The following LRRC49 variants were observed in gnomAD, a reference collection of about 807,000 sequenced individuals.
LRRC49 encodes leucine rich repeat containing 49, also known as leucine-rich repeat-containing protein 49.
In LRRC49, 50 loss-of-function variants were observed where a neutral mutation model predicts 83.3. The observed-to-expected ratio is 0.60, with a 90% confidence interval of 0.48 to 0.76. LRRC49 has a LOEUF of 0.76. Among genes scored for constraint, LRRC49 ranks in the 30% least tolerant of loss-of-function variants. LRRC49 has a pLI of 0.00. For missense variants in LRRC49, 704 were observed against 809.1 expected, an observed-to-expected ratio of 0.87 and a Z score of 1.58; for synonymous variants, 286 against 283.3, an observed-to-expected ratio of 1.01 and a Z score of -0.10.
At chr15:70,891,251 A>C (rs1207073454), upstream of LRRC49, among the ~76,000 whole-genome samples, 1 of 152,196 alleles carries the variant, frequency 6.6e-6, no homozygotes, top group African/African-American at 2.4e-5. Context: ...AAGTAGGCAG[A>C]AGAGAGCAAG....
At chr15:70,987,725 G>A (rs1298994012) in intron 11 of LRRC49, among the ~76,000 whole-genome samples, 1 of 152,082 alleles carries the variant, frequency 6.6e-6, no homozygotes, top group African/African-American at 2.4e-5. Flanking sequence ...TAATTGTGAT[G>A]TTAGGGTGTC....
At chr15:71,024,604 T>C (rs1463350934) in intron 14 of LRRC49, among the ~76,000 whole-genome samples, 1 of 150,654 alleles carries the variant, frequency 6.6e-6, no homozygotes, top group Non-Finnish European at 1.5e-5. Context: ...CATCCAAAGG[T>C]CAGCAGCCTC....
intron 8 of LRRC49, among the ~76,000 whole-genome samples, chr15:70,960,730 T>C (rs990060079): frequency 6.6e-6 from 1 of 152,054 alleles, no homozygotes; most frequent in Non-Finnish European, 1.5e-5. Flanking sequence ...TGGATGTCCA[T>C]ATGAAAAAAA....
In LRRC49 at chr15:70,978,381, C is replaced by A. The variant is rs1034753468; in HGVS notation, c.922-1720C>A. 2.6e-5 allele frequency among the ~76,000 whole-genome samples: 4 copies of A among 152,244 alleles called. No homozygotes were observed. In the East Asian group the frequency reaches 7.7e-4, roughly 29 times the overall value. On this transcript the variant is annotated intron_variant, in intron 9 of 15. Transcript: ENST00000260382. ...TGAGAGAGAGAATAGTTGTATCATA[C>A]ATTGTCTTTGAAAGTTTTCAACCAG...
intron 7 of LRRC49, among the ~76,000 whole-genome samples, chr15:70,922,590 T>A (rs1395984773): frequency 1.3e-5 from 2 of 151,986 alleles, no homozygotes; most frequent in African/African-American, 4.8e-5. Flanking sequence ...ATAGAAAGAA[T>A]GAATGAAACC....
intron 6 of LRRC49, among the ~76,000 whole-genome samples, chr15:70,916,306 T>TATA (rs1476755774): frequency 6.6e-6 from 1 of 152,090 alleles, no homozygotes; most frequent in Non-Finnish European, 1.5e-5. Flanking sequence ...TTATTATTAT[T>TATA]ATTTTTGAGG....
intron 1 of LRRC49, among the ~76,000 whole-genome samples, chr15:70,856,740 G>A (rs1407031697): frequency 4.6e-5 from 7 of 152,186 alleles, no homozygotes; most frequent in African/African-American, 1.7e-4. Context: ...GTCCCAGTGA[G>A]GCTTAGAGGG....
chr15:70,949,192 G>T (rs2036122688), intron 8 of LRRC49, among the ~76,000 whole-genome samples: 1 of 152,100 alleles, frequency 6.6e-6, no homozygotes, highest in Admixed American at 6.5e-5. Flanking sequence ...GCCAAGTCCT[G>T]GTCTTTCCGA....
intron 8 of LRRC49, 97 bp downstream of exon 8, chr15:70,936,919 A>G (rs1596039890): frequency 1.3e-6 from 1 of 745,264 alleles, no homozygotes; most frequent in African/African-American, 1.8e-5. Flanking sequence ...GAATTTTACT[A>G]GCATGGAAGA....
chr15:70,962,125 G>A (rs1232335880), intron 8 of LRRC49, among the ~76,000 whole-genome samples: 1 of 152,156 alleles, frequency 6.6e-6, no homozygotes, highest in African/African-American at 2.4e-5. Context: ...TAAACATTCT[G>A]ATACCTCTAT....
chr15:71,020,198 G>T (rs1346929052), intron 14 of LRRC49, among the ~76,000 whole-genome samples: 3 of 152,112 alleles, frequency 2.0e-5, no homozygotes, highest in Admixed American at 6.5e-5. Context: ...TAATGAGGAG[G>T]CTTAACAGCT....
At position 71,008,408 on chromosome 15, in the gene LRRC49, T is replaced by C; in HGVS notation, c.1199T>C (p.Leu400Ser). The change falls in exon 12 of 16, where the codon TTA becomes TCA. Residue 400 changes from leucine to serine, a missense_variant. Coordinates refer to ENST00000260382, the MANE Select transcript of LRRC49 (RefSeq NM_017691.5). ...CTAGACTCAGGACTCAACAATGCTT[T>C]ACAAGGTTTATCTGTCATAGACACA... is the stretch of plus-strand genomic sequence containing the variant. ...GPLDSGLNNALQGLSVIDTYL... is the reference protein window; with the variant it reads ...GPLDSGLNNASQGLSVIDTYL... The C allele has an allele frequency of 6.2e-7, 1 of 1,612,762 alleles. No individual in the cohort carries two copies.
chr15:71,031,824 A>T (rs1390886208), intron 14 of LRRC49, among the ~76,000 whole-genome samples: 1 of 152,046 alleles, frequency 6.6e-6, no homozygotes, highest in Non-Finnish European at 1.5e-5. Context: ...AAACCTCAGT[A>T]ATGGTGGACA....
At chr15:70,940,011 C>T (rs776497135) in intron 8 of LRRC49, among the ~76,000 whole-genome samples, 6 of 151,904 alleles carry the variant, frequency 3.9e-5, no homozygotes, top group Admixed American at 2.0e-4. Flanking sequence ...AGATAATCCT[C>T]CGGGCTGTTT....
intron 11 of LRRC49, among the ~76,000 whole-genome samples, chr15:70,985,157 G>T (rs567864040): frequency 1.3e-4 from 20 of 150,190 alleles, no homozygotes; most frequent in Non-Finnish European, 2.2e-4. Flanking sequence ...TAATGGGATG[G>T]CTGGGTCAAA....
At chr15:71,015,093 C>T (rs2038781828) in intron 14 of LRRC49, among the ~76,000 whole-genome samples, 3 of 151,946 alleles carry the variant, frequency 2.0e-5, no homozygotes, top group African/African-American at 7.3e-5. Flanking sequence ...TCAGGATAGC[C>T]AAAAACTTAT....
At chr15:70,902,828 G>A (rs1218159974) in intron 4 of LRRC49, among the ~76,000 whole-genome samples, 2 of 152,178 alleles carry the variant, frequency 1.3e-5, no homozygotes, top group Non-Finnish European at 2.9e-5. Context: ...GTAGGATGTA[G>A]CAACTCAGGA....
At chr15:71,009,677 A>G in intron 12 of LRRC49, 130 bp from the exon 13 acceptor site, 1 of 584,988 alleles carries the variant, frequency 1.7e-6, no homozygotes, top group Admixed American at 3.4e-5. Flanking sequence ...ATTTAATGTA[A>G]TTGAAAACAT....
chr15:70,903,927 G>T (rs2034191094), intron 4 of LRRC49, among the ~76,000 whole-genome samples: 1 of 152,120 alleles, frequency 6.6e-6, no homozygotes, highest in African/African-American at 2.4e-5. Flanking sequence ...GTTCTGCAAA[G>T]TTCAAAGTGT....
Sources: allele counts gnomAD v4.1 joint callset (sites outside exome capture counted in the v4.1 genomes callset), GRCh38; gene constraint gnomAD v4.1.1; transcripts MANE v1.5; gene names NCBI Gene and HGNC (gene_info 2026-07-23, HGNC 2026-07-21).